The following HGF variants were observed in gnomAD, a reference collection of about 807,000 sequenced individuals.
The protein encoded by HGF is hepatocyte growth factor.
HGF carries 39 observed loss-of-function variants against 111.6 expected under a neutral mutation model. The observed-to-expected ratio is 0.35, with a 90% CI of 0.27 to 0.46. HGF has a LOEUF of 0.46. Among genes scored for constraint, HGF ranks in the 20% least tolerant of loss-of-function variants. The pLI is 1.00. For synonymous variants in HGF, 285 were observed against 294.8 expected, an observed-to-expected ratio of 0.97 and a Z score of 0.34; for missense variants, 735 against 910.5, an observed-to-expected ratio of 0.81 and a Z score of 2.48.
chr7:81,732,674 T>C (rs552865279), intron 7 of HGF, among the ~76,000 whole-genome samples: 3 of 152,232 alleles, frequency 2.0e-5, no homozygotes, highest in South Asian at 2.1e-4. Flanking sequence ...GTTATCACAA[T>C]TCATTAAAAA....
intron 7 of HGF, among the ~76,000 whole-genome samples, chr7:81,731,544 T>C (rs1461149789): frequency 6.6e-6 from 1 of 152,214 alleles, no homozygotes; most frequent in East Asian, 1.9e-4. Context: ...AAGTCTTTTA[T>C]AATTTCAATA....
chr7:81,718,732 G>A (rs1036050532), intron 10 of HGF, among the ~76,000 whole-genome samples: 1 of 152,078 alleles, frequency 6.6e-6, no homozygotes, highest in Non-Finnish European at 1.5e-5. Context: ...AGGAATCCTC[G>A]TCTGAAGTTG....
chr7:81,746,173 T>C (rs527653901), intron 5 of HGF, among the ~76,000 whole-genome samples: 1 of 152,348 alleles, frequency 6.6e-6, no homozygotes, highest in South Asian at 2.1e-4. Context: ...CCTTGATTCT[T>C]ATAATCTAAT....
intron 7 of HGF, among the ~76,000 whole-genome samples, chr7:81,733,476 T>A (rs1787731116): frequency 6.6e-6 from 1 of 152,052 alleles, no homozygotes; most frequent in African/African-American, 2.4e-5. Context: ...GTGTTTTAAT[T>A]CATTGGAAAT....
At chr7:81,724,274 A>G (rs1474287506) in intron 9 of HGF, among the ~76,000 whole-genome samples, 1 of 152,170 alleles carries the variant, frequency 6.6e-6, no homozygotes, top group Non-Finnish European at 1.5e-5. Context: ...AAAGGGACTC[A>G]TCCCCTCTTC....
chr7:81,736,925 G>GTGTGTGTGTT (rs1787849301), intron 7 of HGF, among the ~76,000 whole-genome samples: 1 of 151,502 alleles, frequency 6.6e-6, no homozygotes, highest in South Asian at 2.1e-4. Context: ...GTGTGTGTGT[G>GTGTGTGTGTT]TGTGGTGTTC....
At chr7:81,704,747 G>T (rs1291347040) in intron 17 of HGF, among the ~76,000 whole-genome samples, 1 of 151,690 alleles carries the variant, frequency 6.6e-6, no homozygotes, top group Non-Finnish European at 1.5e-5. Context: ...CTGAAGCTTG[G>T]AGAACATGTC....
At chr7:81,721,494 A>C (rs1789861251) in intron 9 of HGF, among the ~76,000 whole-genome samples, 1 of 152,174 alleles carries the variant, frequency 6.6e-6, no homozygotes, top group Non-Finnish European at 1.5e-5. Context: ...CTTCTGAAAA[A>C]TTTCATTCCA....
At chr7:81,758,916 G>A in intron 2 of HGF, 112 bp from the exon 3 acceptor site, 2 of 684,092 alleles carry the variant, frequency 2.9e-6, no homozygotes, top group Non-Finnish European at 5.1e-6. Context: ...AGAAACAAAT[G>A]CATAATTACA....
Position 81,729,609 on chromosome 7 carries a change from A to G in HGF, c.1036T>C (p.Cys346Arg). 6.2e-7 allele frequency: 1 copy of G among 1,612,000 alleles called. No individual in the cohort carries two copies. The highest frequency in any genetic ancestry group is 1.1e-5 in the South Asian group (1 of 91,044). ...ACATTTGCCTACTTTACTCACTTGC[A>G]CTTGAAATTTTCAGGAGTCATGTCA... The part of the protein sequence containing the change: ...EHDMTPENFK[C>R]KDLRENYCRN... Residue 346 changes from cysteine (C) to arginine (R), a missense_variant, in exon 8 of 18, where the codon TGC (cysteine) becomes CGC (arginine). Physicochemically the swap from Cys to Arg is radical, Grantham distance 180. Coordinates refer to ENST00000222390, the MANE Select transcript of HGF (RefSeq NM_000601.6).
rs776268047 is a variant in HGF, at chr7:81,743,341, A to G, written c.865+12T>C. The G allele has an allele frequency of 5.5e-6, 8 of 1,443,240 alleles. No homozygotes were observed. The highest frequency in any genetic ancestry group is 5.9e-6 in the Non-Finnish European group (6 of 1,024,006). 89.4% of individuals were successfully genotyped at this position (1,443,240 alleles called of 1,614,324 possible). A position where few individuals can be genotyped will look rare whatever the true frequency, so the allele number is the denominator to read the frequency against. ...AGAGGAAAAGGAAGCAATAAATTTGACCTTCACTTACCGCATGTTTTAATT... is the reference window on the plus strand; with the variant it reads ...AGAGGAAAAGGAAGCAATAAATTTGGCCTTCACTTACCGCATGTTTTAATT... On this transcript the variant is annotated intron_variant, in intron 7 of 17. Transcript: ENST00000222390.
intron 7 of HGF, among the ~76,000 whole-genome samples, chr7:81,739,811 T>C (rs1311510444): frequency 1.3e-5 from 2 of 152,108 alleles, no homozygotes; most frequent in Admixed American, 1.3e-4. Context: ...AGTTTAGAGA[T>C]CACTATTCTA....
chr7:81,710,321 A>G, intron 12 of HGF, 78 bp from the exon 13 acceptor site: 2 of 919,330 alleles, frequency 2.2e-6, no homozygotes, highest in Non-Finnish European at 3.6e-6. Flanking sequence ...CTTAAATGCA[A>G]TGATAATTAC....
At chr7:81,724,722 A>G (rs1789960716) in intron 9 of HGF, among the ~76,000 whole-genome samples, 1 of 152,112 alleles carries the variant, frequency 6.6e-6, no homozygotes, top group Admixed American at 6.6e-5. Flanking sequence ...TCCTTTGGGT[A>G]TACACCCAGT....
chr7:81,721,139 C>T (rs1335633446), intron 9 of HGF, among the ~76,000 whole-genome samples: 4 of 151,942 alleles, frequency 2.6e-5, no homozygotes, highest in Non-Finnish European at 5.9e-5. Context: ...CCCAGCTACT[C>T]GAGAGGCTGA....
intron 13 of HGF, among the ~76,000 whole-genome samples, chr7:81,708,117 T>C (rs561001650): frequency 3.3e-5 from 5 of 152,016 alleles, no homozygotes; most frequent in African/African-American, 1.2e-4. Flanking sequence ...AGAGTACAGA[T>C]GTTCAGTGCT....
intron 4 of HGF, chr7:81,755,855 G>A: frequency 3.6e-6 from 2 of 557,664 alleles, no homozygotes; most frequent in South Asian, 4.7e-5. Context: ...TTGAAATGTT[G>A]TAGAGATGAT....
At chr7:81,754,369 C>T (rs1047333717) in intron 4 of HGF, among the ~76,000 whole-genome samples, 1 of 151,910 alleles carries the variant, frequency 6.6e-6, no homozygotes, top group African/African-American at 2.4e-5. Context: ...CCCCTCTACA[C>T]ATGCACACCG....
intron 4 of HGF, 54 bp from the exon 5 acceptor site, chr7:81,752,316 C>T: frequency 6.5e-7 from 1 of 1,526,908 alleles, no homozygotes; most frequent in African/African-American, 1.4e-5. Flanking sequence ...TTTTTTTTGC[C>T]TATTAATTTT....
Sources: allele counts gnomAD v4.1 joint callset (sites outside exome capture counted in the v4.1 genomes callset), GRCh38; gene constraint gnomAD v4.1.1; transcripts MANE v1.5; gene names NCBI Gene and HGNC (gene_info 2026-07-23, HGNC 2026-07-21).